DAB1: variants seen among roughly 807,000 people sequenced by gnomAD.
The protein encoded by DAB1 is DAB adaptor protein 1.
In DAB1, 15 loss-of-function variants were observed where a neutral mutation model predicts 64.6. That is an observed-to-expected ratio of 0.23 (90% confidence interval 0.16 to 0.36). The LOEUF (loss-of-function observed/expected upper bound fraction) is 0.36. Ranked by LOEUF, DAB1 falls within the 10% of genes least tolerant of loss-of-function variation. DAB1 has a pLI of 1.00. For synonymous variants in DAB1, 235 were observed against 251.9 expected (o/e 0.93, Z 0.64); for missense variants, 596 against 706.7 (o/e 0.84, Z 1.78).
At chr1:58,051,841 G>C (rs1466141774) in intron 5 of DAB1, among the ~76,000 whole-genome samples, 1 of 152,188 alleles carries the variant, frequency 6.6e-6, no homozygotes, top group Admixed American at 6.5e-5. Context: ...CTGCATAAAT[G>C]TCTTCTTTTG....
At chr1:57,249,693 C>A (rs944296578) in intron 2 of DAB1, among the ~76,000 whole-genome samples, 1 of 152,146 alleles carries the variant, frequency 6.6e-6, no homozygotes, top group Non-Finnish European at 1.5e-5. Context: ...GTCCTACTTA[C>A]ACTTTGATGG....
intron 7 of DAB1, among the ~76,000 whole-genome samples, chr1:57,496,791 C>G (rs1644235674): frequency 6.6e-6 from 1 of 152,122 alleles, no homozygotes; most frequent in Admixed American, 6.5e-5. Context: ...CTTTCAGCAC[C>G]AGCACCACTC....
chr1:58,263,198 T>C (rs1661088401), intron 4 of DAB1, among the ~76,000 whole-genome samples: 1 of 152,220 alleles, frequency 6.6e-6, no homozygotes, highest in African/African-American at 2.4e-5. Context: ...TTTTGGGAGC[T>C]GTAAAAAGTC....
intron 7 of DAB1, among the ~76,000 whole-genome samples, chr1:57,649,379 T>C (rs1051773447): frequency 4.6e-5 from 7 of 152,188 alleles, no homozygotes; most frequent in African/African-American, 7.2e-5. Context: ...ACCAATATTC[T>C]CTTCCTCTAA....
chr1:58,362,977 G>T (rs1644181922), intron 3 of DAB1, among the ~76,000 whole-genome samples: 1 of 152,156 alleles, frequency 6.6e-6, no homozygotes, highest in Non-Finnish European at 1.5e-5. Flanking sequence ...TCAATTTCTG[G>T]CTTGCAGAGA....
intron 7 of DAB1, among the ~76,000 whole-genome samples, chr1:57,480,325 C>G (rs1035908867): frequency 3.3e-5 from 5 of 152,060 alleles, no homozygotes; most frequent in Admixed American, 1.3e-4. Flanking sequence ...GATAATGGGT[C>G]ACATTTGAAA....
intron 5 of DAB1, among the ~76,000 whole-genome samples, chr1:58,116,178 T>C (rs751649772): frequency 5.2e-4 from 79 of 152,332 alleles, no homozygotes; most frequent in Non-Finnish European, 9.0e-4. Flanking sequence ...TAGCTTTTTC[T>C]CCTTCTTCCT....
chr1:57,276,715 A>G (rs1236975173), intron 2 of DAB1, among the ~76,000 whole-genome samples: 3 of 152,244 alleles, frequency 2.0e-5, no homozygotes, highest in Admixed American at 1.3e-4. Context: ...ACTAAAAATC[A>G]TAAATAAATC....
At chr1:57,942,938 C>A (rs764030687) in intron 5 of DAB1, among the ~76,000 whole-genome samples, 65 of 152,122 alleles carry the variant, frequency 4.3e-4, no homozygotes, top group Non-Finnish European at 7.9e-4. Flanking sequence ...TTAATTAATT[C>A]ATTCATTATT....
chr1:58,079,515 CTTTT>C (rs66960756), intron 5 of DAB1, among the ~76,000 whole-genome samples: 685 of 67,876 alleles, frequency 0.01, 7 homozygotes, highest in Middle Eastern at 0.056. Context: ...AGCATACCAT[CTTTT>C]TTTTTTTTTT....
At chr1:57,161,767 C>T (rs1376996349) in intron 2 of DAB1, among the ~76,000 whole-genome samples, 2 of 151,862 alleles carry the variant, frequency 1.3e-5, no homozygotes, top group Non-Finnish European at 2.9e-5. Flanking sequence ...CATAACACCA[C>T]CCAGGTACAT....
chr1:57,872,607 T>C (rs1200181255), intron 1 of DAB1, among the ~76,000 whole-genome samples: 1 of 152,200 alleles, frequency 6.6e-6, no homozygotes, highest in African/African-American at 2.4e-5. Flanking sequence ...CCATTCCTCA[T>C]CTTCAAGGGG....
chr1:57,147,714 C>A (rs932697346), intron 2 of DAB1, among the ~76,000 whole-genome samples: 7 of 152,088 alleles, frequency 4.6e-5, no homozygotes, highest in African/African-American at 1.7e-4. Context: ...CTGAGACTTC[C>A]CCAAACTTTA....
chr1:58,036,682 T>C (rs1647049706), intron 5 of DAB1, among the ~76,000 whole-genome samples: 1 of 152,154 alleles, frequency 6.6e-6, no homozygotes, highest in Admixed American at 6.5e-5. Context: ...TAAGTACAGC[T>C]AAAATACGGT....
intron 4 of DAB1, among the ~76,000 whole-genome samples, chr1:58,300,598 AAGAAAGAAAGAAAGAGAGAG>A (rs1345493743): frequency 9.6e-4 from 36 of 37,622 alleles, no homozygotes; most frequent in East Asian, 2.0e-3. Flanking sequence ...GAAAGAAAGA[AAGAAAGAAAGAAAGAGAGAG>A]AGAGAGAGAG....
At chr1:57,254,511 GC>G (rs1456108042) in intron 2 of DAB1, among the ~76,000 whole-genome samples, 1 of 152,094 alleles carries the variant, frequency 6.6e-6, no homozygotes, top group East Asian at 1.9e-4. Context: ...AAACAACAGG[GC>G]TTCTTGTTTG....
At chr1:58,326,446 A>T (rs1662826774) in intron 4 of DAB1, among the ~76,000 whole-genome samples, 1 of 152,208 alleles carries the variant, frequency 6.6e-6, no homozygotes, top group Admixed American at 6.5e-5. Context: ...CCCATCGTGC[A>T]GGAGGACTTG....
chr1:57,562,645 G>A (rs917015867), intron 7 of DAB1, among the ~76,000 whole-genome samples: 1 of 152,178 alleles, frequency 6.6e-6, no homozygotes, highest in Non-Finnish European at 1.5e-5. Context: ...GGAATCAAAG[G>A]ATGGAAGTGG....
At chr1:58,137,154 T>C (rs979832981) in intron 5 of DAB1, among the ~76,000 whole-genome samples, 2 of 152,202 alleles carry the variant, frequency 1.3e-5, no homozygotes, top group Admixed American at 6.5e-5. Context: ...AATAAATATA[T>C]TGCTCTACTT....
Sources: allele counts gnomAD v4.1 joint callset (sites outside exome capture counted in the v4.1 genomes callset), GRCh38; gene constraint gnomAD v4.1.1; transcripts MANE v1.5; gene names NCBI Gene and HGNC (gene_info 2026-07-23, HGNC 2026-07-21).